The following NRG1 variants were observed in gnomAD, a reference collection of about 807,000 sequenced individuals.
NRG1 encodes pro-neuregulin-1, membrane-bound isoform.
In NRG1, 18 loss-of-function variants were observed where a neutral mutation model predicts 63.8. The ratio of observed to expected loss-of-function variants is 0.28; its 90% CI spans 0.19 to 0.42. The LOEUF is 0.42. Among genes scored for constraint, NRG1 ranks in the 10% least tolerant of loss-of-function variants. The pLI is 1.00. For missense variants in NRG1, 762 were observed against 814.7 expected, an observed-to-expected ratio of 0.94 and a Z score of 0.79; for synonymous variants, 302 against 301.3, an observed-to-expected ratio of 1.00 and a Z score of -0.02.
intron 1 of NRG1, among the ~76,000 whole-genome samples, chr8:32,336,207 A>G (rs989000978): frequency 6.6e-6 from 1 of 152,154 alleles, no homozygotes; most frequent in Admixed American, 6.5e-5. Flanking sequence ...GATAACATAA[A>G]CTTCCTTTTT....
intron 1 of NRG1, among the ~76,000 whole-genome samples, chr8:32,577,103 T>C (rs987830320): frequency 6.6e-6 from 1 of 152,186 alleles, no homozygotes; most frequent in African/African-American, 2.4e-5. Context: ...TTAATTCGCT[T>C]AGGATAATGG....
chr8:31,953,034 C>T (rs980776837), intron 1 of NRG1, among the ~76,000 whole-genome samples: 1 of 152,096 alleles, frequency 6.6e-6, no homozygotes, highest in African/African-American at 2.4e-5. Context: ...TCTTCTTAAT[C>T]AGGCAATAAT....
At chr8:32,343,162 T>G (rs566951071) in intron 1 of NRG1, among the ~76,000 whole-genome samples, 35 of 152,334 alleles carry the variant, frequency 2.3e-4, no homozygotes, top group African/African-American at 7.5e-4. Context: ...ATAGCCTGTT[T>G]GGGCTGCCTC....
At chr8:32,010,773 G>A (rs1043389258) in intron 1 of NRG1, among the ~76,000 whole-genome samples, 15 of 151,898 alleles carry the variant, frequency 9.9e-5, no homozygotes, top group Admixed American at 4.6e-4. Context: ...TTCTGATATC[G>A]TTAGGTGGGC....
At position 31,709,386 on chromosome 8, in the gene NRG1, C is replaced by A. The variant is rs186882899; in HGVS notation, c.37+69955C>A. On this transcript the variant is annotated intron_variant, in intron 1 of 10. Coordinates refer to the NRG1 transcript ENST00000519301. The stretch of plus-strand genomic sequence containing the variant: ...TCAAGTGCTTCTGGGAATGTTTCAC[C>A]GATATTCATACCTAAGATTCGTCAG... Among the ~76,000 whole-genome samples, 622 of 152,000 alleles carry A rather than the reference C, an allele frequency of 4.1e-3. 2 individuals are homozygous for A. Among genetic ancestry groups the A allele is most frequent in the South Asian group, 0.026 (126 of 4,812 alleles).
chr8:31,993,532 A>C (rs1410806934), intron 1 of NRG1, among the ~76,000 whole-genome samples: 2 of 151,922 alleles, frequency 1.3e-5, no homozygotes, highest in Admixed American at 6.6e-5. Flanking sequence ...GGTTTTATAA[A>C]AGGCAGTTCC....
intron 1 of NRG1, among the ~76,000 whole-genome samples, chr8:32,080,776 T>C (rs200053668): frequency 0.49 from 63,192 of 129,522 alleles, 14,847 homozygotes; most frequent in Non-Finnish European, 0.56. Flanking sequence ...TGTGTGTGTG[T>C]GTGTGTGTGT....
intron 1 of NRG1, among the ~76,000 whole-genome samples, chr8:31,750,921 G>A (rs1405137227): frequency 2.0e-5 from 3 of 151,880 alleles, no homozygotes; most frequent in Non-Finnish European, 4.4e-5. Flanking sequence ...TGAATCTCAG[G>A]TCATTGGAAT....
At chr8:32,763,379 C>A (rs944672051) in intron 11 of NRG1, 1 of 1,610,166 alleles carries the variant, frequency 6.2e-7, no homozygotes, top group African/African-American at 1.3e-5. Context: ...TTAAGTAATA[C>A]TTCTTTCCCT....
At chr8:31,850,881 G>C (rs7822924) in intron 1 of NRG1, among the ~76,000 whole-genome samples, 1,815 of 152,242 alleles carry the variant, frequency 0.012, 43 homozygotes, top group African/African-American at 0.042. Flanking sequence ...CTTTCTCAGA[G>C]ACTATCATAT....
chr8:31,980,810 G>T (rs2129630726), intron 1 of NRG1, among the ~76,000 whole-genome samples: 1 of 151,652 alleles, frequency 6.6e-6, no homozygotes, highest in South Asian at 2.1e-4. Flanking sequence ...TTGCTCTTTT[G>T]CTTACTTAAA....
chr8:32,588,004 C>T (rs1426846528), intron 1 of NRG1, among the ~76,000 whole-genome samples: 2 of 152,128 alleles, frequency 1.3e-5, no homozygotes, highest in Admixed American at 1.3e-4. Flanking sequence ...CCACTGCAAT[C>T]TCTGCCTCCC....
At chr8:32,304,289 G>A (rs1386977096) in intron 1 of NRG1, among the ~76,000 whole-genome samples, 4 of 152,162 alleles carry the variant, frequency 2.6e-5, no homozygotes, top group South Asian at 2.1e-4. Context: ...TGCGATTTTC[G>A]CAAACAAATT....
intron 1 of NRG1, among the ~76,000 whole-genome samples, chr8:31,660,068 C>T (rs529713982): frequency 6.6e-6 from 1 of 152,214 alleles, no homozygotes; most frequent in East Asian, 1.9e-4. Flanking sequence ...GAACCAAGTT[C>T]GGCTTATTAG....
At chr8:32,735,243 T>C (rs1824714782) in intron 6 of NRG1, among the ~76,000 whole-genome samples, 1 of 152,222 alleles carries the variant, frequency 6.6e-6, no homozygotes, top group South Asian at 2.1e-4. Context: ...TTGGCTATTG[T>C]GAATAGTAGA....
chr8:32,041,511 C>T (rs1363285738), intron 1 of NRG1, among the ~76,000 whole-genome samples: 1 of 152,166 alleles, frequency 6.6e-6, no homozygotes, highest in South Asian at 2.1e-4. Flanking sequence ...CATGTTTATC[C>T]TCTGGAGGAA....
At chr8:32,109,116 G>C (rs560846219) in intron 1 of NRG1, among the ~76,000 whole-genome samples, 18 of 152,276 alleles carry the variant, frequency 1.2e-4, no homozygotes, top group Non-Finnish European at 2.1e-4. Context: ...ATACTTAAGT[G>C]TCTGCCAATT....
intron 1 of NRG1, among the ~76,000 whole-genome samples, chr8:32,566,821 T>C (rs991269094): frequency 2.0e-5 from 3 of 150,170 alleles, no homozygotes; most frequent in Non-Finnish European, 4.4e-5. Flanking sequence ...AGTACCTAAG[T>C]TAGGGATTTT....
intron 1 of NRG1, among the ~76,000 whole-genome samples, chr8:32,326,519 C>G (rs527375336): frequency 5.9e-5 from 9 of 151,804 alleles, no homozygotes; most frequent in Admixed American, 4.6e-4. Flanking sequence ...GAGACATGGT[C>G]TCACTATGTT....
Sources: gnomAD v4.1 joint callset for allele counts (sites outside exome capture counted in the v4.1 genomes callset) on GRCh38, gnomAD v4.1.1 for gene constraint, MANE v1.5 for transcripts, NCBI Gene and HGNC (gene_info 2026-07-23, HGNC 2026-07-21) for gene names.